Variants in JAKMIP2 observed in about 807,000 individuals in gnomAD.
JAKMIP2 encodes the protein janus kinase and microtubule interacting protein 2.
In JAKMIP2, 25 loss-of-function variants were observed where a neutral mutation model predicts 115.0. The ratio of observed to expected loss-of-function variants is 0.22; its 90% CI spans 0.16 to 0.30. The LOEUF is 0.30. Among genes scored for constraint, JAKMIP2 ranks in the 10% least tolerant of loss-of-function variants. The pLI is 1.00. For missense variants in JAKMIP2, 642 were observed against 957.6 expected (o/e 0.67, Z 4.35); for synonymous variants, 334 against 343.6 (o/e 0.97, Z 0.31).
intron 1 of JAKMIP2, among the ~76,000 whole-genome samples, chr5:147,734,317 C>T (rs1420944018): frequency 1.3e-5 from 2 of 152,096 alleles, no homozygotes; most frequent in Non-Finnish European, 2.9e-5. Context: ...GAATGCTATG[C>T]AGCCATAAAA....
At chr5:147,722,842 A>G (rs1753368046) in intron 1 of JAKMIP2, among the ~76,000 whole-genome samples, 1 of 151,212 alleles carries the variant, frequency 6.6e-6, no homozygotes, top group Non-Finnish European at 1.5e-5. Flanking sequence ...GATAGAAAAG[A>G]AAGTTCATTT....
intron 17 of JAKMIP2, among the ~76,000 whole-genome samples, chr5:147,622,228 G>A (rs979837994): frequency 1.3e-5 from 2 of 152,150 alleles, no homozygotes; most frequent in Non-Finnish European, 2.9e-5. Flanking sequence ...TTTAGACTTG[G>A]TGAGTAAAAA....
chr5:147,647,148 A>T (rs1167404746), intron 5 of JAKMIP2, among the ~76,000 whole-genome samples: 1 of 152,086 alleles, frequency 6.6e-6, no homozygotes, highest in South Asian at 2.1e-4. Flanking sequence ...TACAAAGTAC[A>T]TTCTCTGACT....
chr5:147,710,096 T>A (rs1308188349), intron 1 of JAKMIP2, among the ~76,000 whole-genome samples: 2 of 152,194 alleles, frequency 1.3e-5, no homozygotes, highest in Admixed American at 6.5e-5. Context: ...TATTGATGAA[T>A]AAATGAGTCA....
chr5:147,702,623 A>AGAAGGAAG (rs1491531535), intron 1 of JAKMIP2, among the ~76,000 whole-genome samples: 1 of 116,084 alleles, frequency 8.6e-6, no homozygotes, highest in African/African-American at 4.4e-5. Flanking sequence ...AAAGAAAGAA[A>AGAAGGAAG]GAAAGAAAGA....
intron 17 of JAKMIP2, among the ~76,000 whole-genome samples, chr5:147,623,093 T>G (rs1378740438): frequency 6.6e-6 from 1 of 152,148 alleles, no homozygotes; most frequent in African/African-American, 2.4e-5. Flanking sequence ...CTAATTATTT[T>G]TTGTAGAGAT....
At chr5:147,673,330 G>T in intron 1 of JAKMIP2, among the ~76,000 whole-genome samples, 1 of 152,172 alleles carries the variant, frequency 6.6e-6, no homozygotes, top group East Asian at 1.9e-4. Flanking sequence ...AGAAAATTGG[G>T]CATTGTGTAT....
At chr5:147,702,435 A>T (rs201099881) in intron 1 of JAKMIP2, among the ~76,000 whole-genome samples, 1 of 123,964 alleles carries the variant, frequency 8.1e-6, no homozygotes, top group East Asian at 2.8e-4. Flanking sequence ...GGAAGGAAGG[A>T]AGGTAGGAAG....
At chr5:147,748,641 T>C (rs983843481) in intron 1 of JAKMIP2, among the ~76,000 whole-genome samples, 1 of 152,316 alleles carries the variant, frequency 6.6e-6, no homozygotes, top group African/African-American at 2.4e-5. Flanking sequence ...TTTCCTTTTC[T>C]TTGTCACCAC....
chr5:147,707,100 G>T, intron 1 of JAKMIP2, among the ~76,000 whole-genome samples: 1 of 152,012 alleles, frequency 6.6e-6, no homozygotes, highest in South Asian at 2.1e-4. Flanking sequence ...ATAATTCTAG[G>T]TACTGTGTTA....
chr5:147,731,198 C>T lies in JAKMIP2; in HGVS notation c.-149+51258G>A, dbSNP rs115229875. On this transcript the variant is annotated intron_variant, in intron 1 of 21. Coordinates refer to ENST00000616793, the MANE Select transcript of JAKMIP2 (RefSeq NM_001270941.2). ...GGGAGAGATTTCAATGAGACCACGA[C>T]GATCTGGTTTGACCATAAAAGGCAC... 4.7e-3 allele frequency among the ~76,000 whole-genome samples: 715 copies of T among 152,148 alleles called. 6 individuals carry two copies. The highest frequency in any genetic ancestry group is 0.015 in the African/African-American group (642 of 41,498).
At chr5:147,668,767 C>A (rs1362183848) in intron 2 of JAKMIP2, among the ~76,000 whole-genome samples, 1 of 152,148 alleles carries the variant, frequency 6.6e-6, no homozygotes, top group African/African-American at 2.4e-5. Flanking sequence ...TCCCATTTGA[C>A]AGATGAAGAA....
At chr5:147,600,173 T>A (rs1002606206) in intron 21 of JAKMIP2, among the ~76,000 whole-genome samples, 1 of 141,764 alleles carries the variant, frequency 7.1e-6, no homozygotes, top group African/African-American at 2.6e-5. Context: ...CTAGTGAATC[T>A]CCCTCCACTT....
rs925296858 is a variant in JAKMIP2 at position 147,769,965 on chromosome 5, A to G, written c.-149+12491T>C. 5.9e-5 allele frequency among the ~76,000 whole-genome samples: 9 copies of G among 152,288 alleles called. No homozygotes were observed. In the South Asian group the frequency reaches 1.9e-3, roughly 32 times the overall value. On this transcript the variant is annotated intron_variant, in intron 1 of 21. Coordinates refer to ENST00000616793, the MANE Select transcript of JAKMIP2 (RefSeq NM_001270941.2). ...AAAATGCATTTTAGTAAATCTGGAAATCAGAGAACTCAAAGAAAAATTTCT... is the reference window on the plus strand; with the variant it reads ...AAAATGCATTTTAGTAAATCTGGAAGTCAGAGAACTCAAAGAAAAATTTCT...
intron 1 of JAKMIP2, among the ~76,000 whole-genome samples, chr5:147,674,133 C>T (rs533307466): frequency 2.0e-5 from 3 of 152,188 alleles, no homozygotes; most frequent in East Asian, 1.9e-4. Context: ...TCCCCCCAAA[C>T]CTTATTCCCC....
At chr5:147,632,648 T>C (rs2126689799) in intron 13 of JAKMIP2, 32 bp downstream of exon 13, 1 of 1,341,404 alleles carries the variant, frequency 7.5e-7, no homozygotes, top group Non-Finnish European at 1.1e-6. Flanking sequence ...TCATTACGAT[T>C]ATTTTTATTA....
chr5:147,617,180 G>C (rs985905577), intron 19 of JAKMIP2, among the ~76,000 whole-genome samples: 1 of 152,132 alleles, frequency 6.6e-6, no homozygotes, highest in South Asian at 2.1e-4. Context: ...TTTGGACCTT[G>C]CTGATGAATC....
At chr5:147,707,415 T>C (rs1752621509) in intron 1 of JAKMIP2, among the ~76,000 whole-genome samples, 2 of 152,182 alleles carry the variant, frequency 1.3e-5, no homozygotes, top group South Asian at 2.1e-4. Context: ...TATTTTCTAG[T>C]ACATGCTACA....
At chr5:147,595,565 A>G (rs550547675) in intron 21 of JAKMIP2, 2 of 454,604 alleles carry the variant, frequency 4.4e-6, no homozygotes, top group Non-Finnish European at 8.8e-6. Flanking sequence ...ACTATTACTC[A>G]TAAATTACCT....
Sources: allele counts gnomAD v4.1 joint callset (sites outside exome capture counted in the v4.1 genomes callset), GRCh38; gene constraint gnomAD v4.1.1; transcripts MANE v1.5; gene names NCBI Gene and HGNC (gene_info 2026-07-23, HGNC 2026-07-21).